The following EHD4 variants were observed in gnomAD, a reference collection of about 807,000 sequenced individuals.
EHD4 encodes EH domain-containing protein 4.
In EHD4, 37 loss-of-function variants were observed where a neutral mutation model predicts 51.0. That is an observed-to-expected ratio of 0.73 (90% CI 0.56 to 0.95). The LOEUF (loss-of-function observed/expected upper bound fraction) is 0.95. Among genes scored for constraint, EHD4 ranks in the 40% least tolerant of loss-of-function variants. The pLI is 0.00. For missense variants in EHD4, 632 were observed against 733.1 expected (o/e 0.86, Z 1.59); for synonymous variants, 297 against 317.3 (o/e 0.94, Z 0.68).
chr15:41,897,277 G>C lies in EHD4; in HGVS notation c.*3368C>G, dbSNP rs1466394192. ...CCTCATCTTCAAGGCAATTGTCTCAGGCATCCTCCAGGCATCATGAAGGAG... is the reference window on the plus strand; with the variant it reads ...CCTCATCTTCAAGGCAATTGTCTCACGCATCCTCCAGGCATCATGAAGGAG... On this transcript the variant is annotated 3_prime_UTR_variant, in exon 6 of 6. Transcript: ENST00000220325. The C allele has an allele frequency of 1.3e-5, 2 of 152,156 alleles. No individual in the cohort carries two copies. Among genetic ancestry groups the C allele is most frequent in the Non-Finnish European group, 2.9e-5 (2 of 68,044 alleles). 9.4% of individuals were successfully genotyped at this position (152,156 alleles called of 1,614,324 possible). A position where few individuals can be genotyped will look rare whatever the true frequency, so the allele number is the denominator to read the frequency against.
chr15:41,964,251 C>G (rs2067946807), intron 1 of EHD4, among the ~76,000 whole-genome samples: 1 of 149,858 alleles, frequency 6.7e-6, no homozygotes, highest in African/African-American at 2.5e-5. Flanking sequence ...TGGAAGACAA[C>G]TATATTTTAT....
chr15:41,915,070 T>C (rs1648818), intron 4 of EHD4, among the ~76,000 whole-genome samples: 63,021 of 148,152 alleles, frequency 0.43, 13,549 homozygotes, highest in Middle Eastern at 0.58. Flanking sequence ...TTAGTACATG[T>C]GTCTCAGTCT....
In EHD4 at chr15:41,899,159, A is replaced by G. The variant is rs1161643135; in HGVS notation, c.*1486T>C. 1 of 152,176 alleles carries G rather than the reference A, an allele frequency of 6.6e-6. No homozygotes were observed. Among genetic ancestry groups the G allele is most frequent in the Non-Finnish European group, 1.5e-5 (1 of 68,040 alleles). 9.4% of individuals were successfully genotyped at this position (152,176 alleles called of 1,614,324 possible). On this transcript the variant is annotated 3_prime_UTR_variant, in exon 6 of 6. Coordinates refer to ENST00000220325, the MANE Select transcript of EHD4 (RefSeq NM_139265.4). ...CAGCAGGCCCCCATACCATGTGGCC[A>G]TTGCTGTTTCGTGTCTCTTCCTGCA... is the stretch of plus-strand genomic sequence containing the variant.
intron 3 of EHD4, among the ~76,000 whole-genome samples, chr15:41,922,538 C>T (rs1482983488): frequency 3.9e-5 from 6 of 152,340 alleles, no homozygotes; most frequent in East Asian, 3.9e-4. Context: ...GCTGCGCTCG[C>T]GCCAACCCTG....
At chr15:41,925,059 CAAAA>C (rs10612546) in intron 3 of EHD4, among the ~76,000 whole-genome samples, 1 of 139,830 alleles carries the variant, frequency 7.2e-6, no homozygotes, top group Non-Finnish European at 1.5e-5. Context: ...GACTGTATCT[CAAAA>C]AAAAAAAAAA....
At chr15:41,963,523 T>C (rs1595547009) in intron 1 of EHD4, among the ~76,000 whole-genome samples, 1 of 147,176 alleles carries the variant, frequency 6.8e-6, no homozygotes, top group African/African-American at 2.5e-5. Context: ...CCGCTTGAAC[T>C]GGAAGGTGGA....
At chr15:41,902,434 C>T (rs1211965497) in intron 5 of EHD4, among the ~76,000 whole-genome samples, 1 of 152,178 alleles carries the variant, frequency 6.6e-6, no homozygotes, top group African/African-American at 2.4e-5. Context: ...GCACCAGCCC[C>T]TGTTCTGGGG....
intron 5 of EHD4, 25 bp from the exon 6 acceptor site, chr15:41,901,206 G>A (rs1324904412): frequency 6.6e-7 from 1 of 1,522,416 alleles, no homozygotes; most frequent in East Asian, 2.3e-5. Context: ...ACCACAGGAT[G>A]GGTTACATGT....
At chr15:41,919,701 C>T in intron 3 of EHD4, 79 bp from the exon 4 acceptor site, 2 of 1,367,940 alleles carry the variant, frequency 1.5e-6, no homozygotes, top group Non-Finnish European at 9.6e-7. Context: ...AACAGTCTCG[C>T]TCTCCAGCAG....
Position 41,898,291 on chromosome 15 carries a change from A to G in EHD4, c.*2354T>C, listed in dbSNP as rs2067452937. On this transcript the variant is annotated 3_prime_UTR_variant, in exon 6 of 6. Coordinates refer to ENST00000220325, the MANE Select transcript of EHD4 (RefSeq NM_139265.4). ...CTCCACGGAGAAATCAGAGACCTCA[A>G]CCTGCTGCCCTCTAAAGCAGCTTTC... 6.6e-6 allele frequency: 1 copy of G among 152,248 alleles called. No individual in the cohort carries two copies. Among genetic ancestry groups the G allele is most frequent in the Non-Finnish European group, 1.5e-5 (1 of 68,050 alleles). 9.4% of individuals were successfully genotyped at this position (152,248 alleles called of 1,614,324 possible). A position where few individuals can be genotyped will look rare whatever the true frequency, so the allele number is the denominator to read the frequency against.
intron 3 of EHD4, among the ~76,000 whole-genome samples, chr15:41,932,216 C>T (rs1280948855): frequency 6.6e-6 from 1 of 152,200 alleles, no homozygotes; most frequent in African/African-American, 2.4e-5. Flanking sequence ...GAAGTACAGA[C>T]ATGGACAAGC....
chr15:41,902,174 G>A (rs2140980998), intron 5 of EHD4, among the ~76,000 whole-genome samples: 1 of 152,218 alleles, frequency 6.6e-6, no homozygotes, highest in African/African-American at 2.4e-5. Flanking sequence ...CAGACTACAG[G>A]ATGCCACAGA....
intron 4 of EHD4, among the ~76,000 whole-genome samples, chr15:41,910,893 G>T (rs907477868): frequency 8.5e-5 from 13 of 152,160 alleles, no homozygotes; most frequent in African/African-American, 2.7e-4. Context: ...GAACTTCAGA[G>T]TAATTGTGAA....
chr15:41,939,556 A>G (rs1299698008), intron 3 of EHD4, among the ~76,000 whole-genome samples: 2 of 152,104 alleles, frequency 1.3e-5, no homozygotes, highest in Non-Finnish European at 2.9e-5. Flanking sequence ...ATATACAAAC[A>G]TCTTTAAGTC....
At chr15:41,941,914 T>TGACCC (rs1459633708) in intron 3 of EHD4, 1 of 152,268 alleles carries the variant, frequency 6.6e-6, no homozygotes, top group Admixed American at 6.5e-5. Flanking sequence ...CCTGCGACCG[T>TGACCC]GACCCCACAC....
chr15:41,941,614 AG>A (rs1340754470), intron 3 of EHD4: 1 of 150,348 alleles, frequency 6.7e-6, no homozygotes, highest in Non-Finnish European at 1.5e-5. Flanking sequence ...CATAATTGCA[AG>A]GTTCTTGGAG....
intron 5 of EHD4, among the ~76,000 whole-genome samples, chr15:41,904,383 C>T (rs1648813): frequency 0.054 from 8,279 of 152,044 alleles, 759 homozygotes; most frequent in African/African-American, 0.19. Flanking sequence ...TGACCGGGGA[C>T]TGCGGGGGCA....
intron 2 of EHD4, among the ~76,000 whole-genome samples, chr15:41,944,990 G>A (rs942346545): frequency 6.6e-6 from 1 of 152,062 alleles, no homozygotes. Context: ...TTCTTTGTAA[G>A]TTCACAGAAA....
At chr15:41,921,154 A>T (rs2067622349) in intron 3 of EHD4, among the ~76,000 whole-genome samples, 1 of 152,108 alleles carries the variant, frequency 6.6e-6, no homozygotes, top group Non-Finnish European at 1.5e-5. Flanking sequence ...CCCCTCCCTG[A>T]GCCCTTCCCC....
Sources: allele counts gnomAD v4.1 joint callset (sites outside exome capture counted in the v4.1 genomes callset), GRCh38; gene constraint gnomAD v4.1.1; transcripts MANE v1.5; gene names NCBI Gene and HGNC (gene_info 2026-07-23, HGNC 2026-07-21).